HOGA1: variants seen among roughly 807,000 people sequenced by gnomAD.
HOGA1 encodes the protein 4-hydroxy-2-oxoglutarate aldolase 1.
In HOGA1, 30 loss-of-function variants were observed where a neutral mutation model predicts 34.3. The ratio of observed to expected loss-of-function variants is 0.87; its 90% confidence interval spans 0.65 to 1.19. HOGA1 has a LOEUF of 1.19. Among genes scored for constraint, HOGA1 ranks in the 50% most tolerant of loss-of-function variants. HOGA1 has a pLI of 0.00. For missense variants in HOGA1, 417 were observed against 436.5 expected (o/e 0.96, Z 0.40); for synonymous variants, 161 against 174.0 (o/e 0.93, Z 0.59).
chr10:97,590,599 A>G, intron 1 of HOGA1: 2 of 1,595,330 alleles, frequency 1.3e-6, no homozygotes, highest in Non-Finnish European at 1.7e-6. Context: ...CCACCTAACC[A>G]TGGATGGAGA....
In HOGA1 at chr10:97,612,485, T is replaced by C. The variant is rs1589914747; in HGVS notation, c.*826T>C. The stretch of plus-strand genomic sequence containing the variant: ...TCAAAGAGCCCTCTTTACCCTCCCA[T>C]CCCTGCCCTCCACACTGCAAGCTGC... On this transcript the variant is annotated 3_prime_UTR_variant, in exon 7 of 7. Transcript: ENST00000370646. 6.6e-6 allele frequency: 1 copy of C among 152,188 alleles called. No homozygotes were observed. Among genetic ancestry groups the C allele is most frequent in the Non-Finnish European group, 1.5e-5 (1 of 68,070 alleles). 9.4% of individuals were successfully genotyped at this position (152,188 alleles called of 1,614,324 possible). A position where few individuals can be genotyped will look rare whatever the true frequency, so the allele number is the denominator to read the frequency against.
In HOGA1 at chr10:97,584,719, G is replaced by C; in HGVS notation, c.16G>C (p.Val6Leu). The C allele has an allele frequency of 6.2e-7, 1 of 1,611,238 alleles. No homozygotes were observed. The highest frequency in any genetic ancestry group is 8.5e-7 in the Non-Finnish European group (1 of 1,178,306). ...TCCTGCAGAGATGCTGGGTCCCCAAGTCTGGTCTTCTGTGAGGCAGGGGCT... is the reference window on the plus strand; with the variant it reads ...TCCTGCAGAGATGCTGGGTCCCCAACTCTGGTCTTCTGTGAGGCAGGGGCT... MLGPQ[V>L]WSSVRQGLSR... The change falls in exon 1 of 7, where the codon GTC (valine) becomes CTC (leucine). Residue 6 changes from valine to leucine, a missense_variant. Coordinates refer to ENST00000370646, the MANE Select transcript of HOGA1 (RefSeq NM_138413.4).
In HOGA1 at chr10:97,584,820, C is replaced by T. The variant is rs746419489; in HGVS notation, c.117C>T (p.Tyr39=). 1 of 1,613,586 alleles carries T rather than the reference C, an allele frequency of 6.2e-7. No homozygotes were observed. Among genetic ancestry groups the T allele is most frequent in the Non-Finnish European group, 8.5e-7 (1 of 1,179,570 alleles). ...AGAAGGTGGACATTGCGGGTATCTA[C>T]CCCCCTGTGACCACCCCCTTCACTG... The part of the protein sequence containing the change: ...EGKKVDIAGI[Y]PPVTTPFTAT... The change falls in exon 1 of 7, where the codon TAC becomes TAT. Residue 39 remains tyrosine (Y), a synonymous_variant. Transcript: ENST00000370646.
At chr10:97,590,433 A>T (rs978114324) in intron 1 of HOGA1, 12 of 1,614,074 alleles carry the variant, frequency 7.4e-6, no homozygotes, top group Non-Finnish European at 1.0e-5. Context: ...ATGAAGCTGC[A>T]AAAGAATTTC....
chr10:97,590,349 C>T, intron 1 of HOGA1: 1 of 1,614,042 alleles, frequency 6.2e-7, no homozygotes, highest in Non-Finnish European at 8.5e-7. Context: ...CGGGCCATAG[C>T]TTACCAGCAC....
intron 1 of HOGA1, among the ~76,000 whole-genome samples, chr10:97,591,858 T>TGTGTGA (rs760814873): frequency 1.1e-4 from 16 of 147,354 alleles, no homozygotes; most frequent in African/African-American, 2.8e-4. Flanking sequence ...TGTGTGTGTG[T>TGTGTGA]GACAGAGTCT....
intron 1 of HOGA1, chr10:97,590,896 T>G: frequency 5.5e-6 from 2 of 361,090 alleles, no homozygotes; most frequent in East Asian, 1.1e-4. Flanking sequence ...ACTGATGTCA[T>G]TGCCTGGAAC....
intron 1 of HOGA1, 87 bp downstream of exon 1, chr10:97,585,001 A>G (rs1475776199): frequency 9.0e-7 from 1 of 1,113,028 alleles, no homozygotes; most frequent in African/African-American, 1.5e-5. Context: ...GGCTCTGTCA[A>G]GCTGTCCAGG....
intron 6 of HOGA1, among the ~76,000 whole-genome samples, chr10:97,610,550 C>T (rs947294283): frequency 5.9e-5 from 9 of 152,104 alleles, no homozygotes; most frequent in African/African-American, 4.8e-5. Context: ...TTTGGGAGGC[C>T]GAGGCGGGCA....
At chr10:97,588,142 G>A (rs917347882) in intron 1 of HOGA1, among the ~76,000 whole-genome samples, 1 of 151,402 alleles carries the variant, frequency 6.6e-6, no homozygotes, top group Non-Finnish European at 1.5e-5. Flanking sequence ...AATCTTTTTA[G>A]CATTGCTAAT....
chr10:97,595,105 G>A (rs867933188), intron 1 of HOGA1, among the ~76,000 whole-genome samples: 2 of 152,110 alleles, frequency 1.3e-5, no homozygotes, highest in African/African-American at 2.4e-5. Context: ...AGCCCCAAAC[G>A]CCCACTCCCC....
At chr10:97,600,501 C>T (rs1388590300) in intron 5 of HOGA1, 8 of 402,240 alleles carry the variant, frequency 2.0e-5, no homozygotes, top group African/African-American at 1.0e-4. Context: ...GGCAGAGGCC[C>T]TGGGGCCCTC....
At chr10:97,585,344 T>C (rs2040960731) in intron 1 of HOGA1, among the ~76,000 whole-genome samples, 1 of 152,174 alleles carries the variant, frequency 6.6e-6, no homozygotes, top group Non-Finnish European at 1.5e-5. Flanking sequence ...CAAAGCCTCC[T>C]TGCCAGAATT....
intron 6 of HOGA1, 103 bp downstream of exon 6, chr10:97,602,093 C>T: frequency 6.4e-7 from 1 of 1,550,892 alleles, no homozygotes; most frequent in Non-Finnish European, 8.7e-7. Flanking sequence ...TCAGTCTCTT[C>T]CTTTCAGAAA....
intron 1 of HOGA1, chr10:97,589,629 C>A: frequency 2.3e-6 from 1 of 439,656 alleles, no homozygotes; most frequent in Non-Finnish European, 4.1e-6. Flanking sequence ...CCACTCTCCC[C>A]ACCCCACCCG....
intron 3 of HOGA1, 50 bp from the exon 4 acceptor site, chr10:97,599,630 G>T: frequency 6.2e-7 from 1 of 1,611,160 alleles, no homozygotes; most frequent in Non-Finnish European, 8.5e-7. Context: ...TGGCTCTTGG[G>T]ACCTGGGGCG....
chr10:97,612,512 T>A lies in HOGA1; in HGVS notation c.*853T>A, dbSNP rs1381786415. Reference sequence around the variant, plus strand: ...CCTGCCCTCCACACTGCAAGCTGCATTCCAGCCACAACGCCCTTTTCTAAA... The same window carrying A: ...CCTGCCCTCCACACTGCAAGCTGCAATCCAGCCACAACGCCCTTTTCTAAA... On this transcript the variant is annotated 3_prime_UTR_variant, in exon 7 of 7. Transcript: ENST00000370646. The A allele has an allele frequency of 6.6e-6, 1 of 152,262 alleles. No individual in the cohort carries two copies. The highest frequency in any genetic ancestry group is 6.5e-5 in the Admixed American group (1 of 15,280). The allele number at this position is 152,262 out of a possible 1,614,324, so 9.4% of individuals were successfully genotyped here. A position where few individuals can be genotyped will look rare whatever the true frequency, so the allele number is the denominator to read the frequency against.
rs57616820 is a variant in HOGA1, at chr10:97,600,170, C to A, written c.700+7C>A. The A allele has an allele frequency of 2.5e-6, 4 of 1,610,632 alleles. No individual in the cohort carries two copies. In the African/African-American group the frequency reaches 4.0e-5, roughly 16 times the overall value. ...ATGGCCAGCTATGCCTTGGGTAGGC[C>A]GCCCACTGCTCTCAAATTGTCATGG... On this transcript the variant is annotated splice_region_variant and intron_variant, in intron 5 of 6. Coordinates refer to ENST00000370646, the MANE Select transcript of HOGA1 (RefSeq NM_138413.4).
chr10:97,602,172 G>A (rs2041124496), intron 6 of HOGA1, 182 bp downstream of exon 6: 11 of 1,548,368 alleles, frequency 7.1e-6, no homozygotes, highest in Non-Finnish European at 3.5e-6. Context: ...TTCGGACAAA[G>A]TCGAGCACCA....
Sources: gnomAD v4.1 joint callset for allele counts (sites outside exome capture counted in the v4.1 genomes callset) on GRCh38, gnomAD v4.1.1 for gene constraint, MANE v1.5 for transcripts, NCBI Gene and HGNC (gene_info 2026-07-23, HGNC 2026-07-21) for gene names.